The following BCOR variants were observed in gnomAD, a reference collection of about 807,000 sequenced individuals.
The protein encoded by BCOR is BCL6 corepressor.
In BCOR, 10 loss-of-function variants were observed where a neutral mutation model predicts 86.7. The ratio of observed to expected loss-of-function variants is 0.12; its 90% confidence interval spans 0.07 to 0.20. The LOEUF is 0.20. BCOR is among the 10% of genes least tolerant of loss of function. The probability of loss-of-function intolerance (pLI) is 1.00; values close to 1 mark genes in which losing one functional copy is unlikely to be tolerated. For synonymous variants in BCOR, 611 were observed against 609.0 expected (o/e 1.00, Z -0.05); for missense variants, 1,259 against 1,452.1 (o/e 0.87, Z 2.16).
intron 1 of BCOR, among the ~76,000 whole-genome samples, chrX:40,150,292 T>C (rs929902604): frequency 3.6e-5 from 4 of 112,245 alleles, no homozygotes; most frequent in African/African-American, 1.3e-4. Context: ...TTAGGTTATC[T>C]GATTGGAAAG....
intron 1 of BCOR, among the ~76,000 whole-genome samples, chrX:40,083,840 C>T (rs1936227499): frequency 8.9e-6 from 1 of 112,025 alleles, no homozygotes; most frequent in African/African-American, 3.2e-5. Context: ...TCCCAGTTCC[C>T]GACCCTAGGT....
At chrX:40,105,151 C>A (rs1937150953) in intron 1 of BCOR, among the ~76,000 whole-genome samples, 2 of 110,643 alleles carry the variant, frequency 1.8e-5, no homozygotes, top group East Asian at 5.9e-4. Context: ...CGCGGCCGTT[C>A]CCGCGGGGTC....
chrX:40,108,621 C>T (rs1250249008), intron 1 of BCOR, among the ~76,000 whole-genome samples: 2 of 113,560 alleles, frequency 1.8e-5, no homozygotes, highest in Non-Finnish European at 3.7e-5. Context: ...CTTGCCTGGC[C>T]AGGCAGGTCG....
chrX:40,138,372 A>C (rs1324329087), intron 1 of BCOR, among the ~76,000 whole-genome samples: 1 of 111,853 alleles, frequency 8.9e-6, no homozygotes, highest in Non-Finnish European at 1.9e-5. Flanking sequence ...ACGACTACGA[A>C]GCCACATTCC....
chrX:40,125,406 G>A (rs1366843488), intron 1 of BCOR, among the ~76,000 whole-genome samples: 3 of 111,596 alleles, frequency 2.7e-5, no homozygotes, highest in African/African-American at 9.8e-5. Flanking sequence ...GCTAATTTTT[G>A]TATTTTTACT....
chrX:40,062,251 G>A lies in BCOR; in HGVS notation c.4316C>T (p.Ser1439Phe), dbSNP rs1235921554. ...SQSTQLPCSS[S>F]PQETTQSRPM... ...GCGAGACTGGGTGGTCTCCTGAGGG[G>A]AACTTGAGCATGGCAGCTGTGTGGA... Residue 1439 changes from serine to phenylalanine, a missense_variant, in exon 10 of 15, where the codon TCC (serine) becomes TTC (phenylalanine). Physicochemically the swap from Ser to Phe is radical, Grantham distance 155. Coordinates refer to ENST00000378444, the MANE Select transcript of BCOR (RefSeq NM_001123385.2). The A allele has an allele frequency of 2.5e-6, 3 of 1,209,159 alleles. No homozygotes were observed. The African/African-American group carries it at 5.3e-5, about 21-fold the overall frequency.
At chrX:40,108,365 C>T (rs770268285) in intron 1 of BCOR, among the ~76,000 whole-genome samples, 1 of 113,472 alleles carries the variant, frequency 8.8e-6, no homozygotes, top group East Asian at 2.8e-4. Context: ...AACTCCTCAG[C>T]TTGGACAAAT....
At chrX:40,176,125 A>G (rs1938745088) in intron 1 of BCOR, among the ~76,000 whole-genome samples, 3 of 112,505 alleles carry the variant, frequency 2.7e-5, no homozygotes, top group Non-Finnish European at 5.6e-5. Flanking sequence ...ACCGTTCACC[A>G]CCGGCCACGA....
chrX:40,173,874 C>T (rs1487211062), intron 1 of BCOR, among the ~76,000 whole-genome samples: 2 of 113,110 alleles, frequency 1.8e-5, no homozygotes, highest in East Asian at 5.5e-4. Context: ...TGGTGCAGGG[C>T]TGGCGTATGG....
chrX:40,160,659 C>CTTT (rs145716696), intron 1 of BCOR, among the ~76,000 whole-genome samples: 32 of 81,279 alleles, frequency 3.9e-4, no homozygotes, highest in Non-Finnish European at 6.4e-4. Flanking sequence ...TGATCCTCTA[C>CTTT]TTTTTTTTTT....
chrX:40,131,986 G>A (rs964719734), intron 1 of BCOR, among the ~76,000 whole-genome samples: 1 of 112,125 alleles, frequency 8.9e-6, no homozygotes, highest in Non-Finnish European at 1.9e-5. Flanking sequence ...CACAACAGAA[G>A]TGACACTCTG....
chrX:40,153,404 T>C (rs936365553), intron 1 of BCOR, among the ~76,000 whole-genome samples: 3 of 112,323 alleles, frequency 2.7e-5, no homozygotes, highest in Non-Finnish European at 5.6e-5. Flanking sequence ...ATCCGGGTTC[T>C]GCCGTTCCGA....
At chrX:40,094,628 G>A (rs914261987) in intron 1 of BCOR, among the ~76,000 whole-genome samples, 1 of 113,400 alleles carries the variant, frequency 8.8e-6, no homozygotes, top group Non-Finnish European at 1.9e-5. Flanking sequence ...AGGCGGGGAG[G>A]AGCAGCCAGG....
chrX:40,064,075 G>A (rs1935052269), intron 7 of BCOR, 123 bp from the exon 8 acceptor site: 1 of 645,799 alleles, frequency 1.5e-6, no homozygotes, highest in South Asian at 2.9e-5. Context: ...TTGGGAAGGG[G>A]CCTAATCATC....
chrX:40,106,169 A>G (rs1287952799), intron 1 of BCOR, among the ~76,000 whole-genome samples: 2 of 111,626 alleles, frequency 1.8e-5, no homozygotes, highest in African/African-American at 6.5e-5. Flanking sequence ...CTGACCTGCA[A>G]GGCTTGCCCT....
intron 1 of BCOR, among the ~76,000 whole-genome samples, chrX:40,129,654 T>C: frequency 9.4e-6 from 1 of 106,738 alleles, no homozygotes; most frequent in Non-Finnish European, 1.9e-5. Context: ...AGGGAGGAGC[T>C]GCGGGGCCTT....
rs1303292348 is a variant in BCOR, at chrX:40,073,111, C to T, written c.2235G>A (p.Arg745=). Residue 745 remains arginine, a synonymous_variant, in exon 4 of 15, where the codon AGG becomes AGA. Transcript: ENST00000378444. ...IEITKEEKPE[R]RSRSHERARY... The stretch of plus-strand genomic sequence containing the variant: ...GGGCTCTCTCATGGGACCGGGATCT[C>T]CTCTCTGGTTTCTCCTCTTTAGTAA... The T allele has an allele frequency of 3.8e-5, 46 of 1,210,311 alleles. No homozygotes were observed. Among genetic ancestry groups the T allele is most frequent in the Non-Finnish European group, 4.8e-5 (43 of 895,318 alleles).
intron 6 of BCOR, among the ~76,000 whole-genome samples, chrX:40,064,964 A>G (rs1401838872): frequency 1.8e-5 from 2 of 112,335 alleles, no homozygotes; most frequent in Admixed American, 1.9e-4. Context: ...GCTGGGGCTG[A>G]CCTAAAAATC....
At chrX:40,160,111 CTTT>C (rs748741460) in intron 1 of BCOR, among the ~76,000 whole-genome samples, 4 of 104,662 alleles carry the variant, frequency 3.8e-5, no homozygotes, top group Non-Finnish European at 7.9e-5. Context: ...ACATGGATTA[CTTT>C]TTTTTTTTTT....
Sources: allele counts gnomAD v4.1 joint callset (sites outside exome capture counted in the v4.1 genomes callset), GRCh38; gene constraint gnomAD v4.1.1; transcripts MANE v1.5; gene names NCBI Gene and HGNC (gene_info 2026-07-23, HGNC 2026-07-21).